Variants in TOP1MT observed in about 807,000 individuals in gnomAD.
The protein encoded by TOP1MT is DNA topoisomerase I mitochondrial, also known as DNA topoisomerase I, mitochondrial.
In TOP1MT, 80 loss-of-function variants were observed where a neutral mutation model predicts 73.9. That is an observed-to-expected ratio of 1.08 (90% CI 0.90 to 1.30). The LOEUF is 1.30. Ranked by LOEUF, TOP1MT falls within the 50% of genes most tolerant of loss-of-function variation. The probability of loss-of-function intolerance (pLI) is 0.00; values close to 1 mark genes in which losing one functional copy is unlikely to be tolerated. For missense variants in TOP1MT, 815 were observed against 808.0 expected, an observed-to-expected ratio of 1.01 and a Z score of -0.10; for synonymous variants, 338 against 326.4, an observed-to-expected ratio of 1.04 and a Z score of -0.38.
intron 3 of TOP1MT, among the ~76,000 whole-genome samples, chr8:143,327,970 G>A (rs910895632): frequency 6.6e-6 from 1 of 152,154 alleles, no homozygotes; most frequent in Non-Finnish European, 1.5e-5. Flanking sequence ...GAAAAACATA[G>A]GAGGAAATCT....
chr8:143,315,870 GC>G (rs2129922760), intron 11 of TOP1MT, 49 bp from the exon 12 acceptor site: 1 of 1,605,110 alleles, frequency 6.2e-7, no homozygotes, highest in East Asian at 2.2e-5. Context: ...TCCCGCACCA[GC>G]CCCTGTGCCC....
At chr8:143,325,045 C>T (rs1816667248) in intron 5 of TOP1MT, among the ~76,000 whole-genome samples, 1 of 152,220 alleles carries the variant, frequency 6.6e-6, no homozygotes, top group Non-Finnish European at 1.5e-5. Flanking sequence ...CCAATAAGTT[C>T]AAAACACCTA....
chr8:143,323,879 C>A, intron 7 of TOP1MT, 120 bp downstream of exon 7: 1 of 1,103,418 alleles, frequency 9.1e-7, no homozygotes, highest in South Asian at 1.4e-5. Context: ...ACACCCCCCC[C>A]ATCAGAATGA....
chr8:143,322,565 AGACACGC>A (rs1384164036), intron 7 of TOP1MT, among the ~76,000 whole-genome samples: 117 of 120,952 alleles, frequency 9.7e-4, no homozygotes, highest in African/African-American at 3.3e-3. Context: ...CGCCACACAC[AGACACGC>A]CACACACATG....
intron 10 of TOP1MT, among the ~76,000 whole-genome samples, 155 bp from the exon 11 acceptor site, chr8:143,316,281 C>T (rs1816160983): frequency 6.6e-6 from 1 of 152,216 alleles, no homozygotes; most frequent in Non-Finnish European, 1.5e-5. Context: ...GTCAGTGACC[C>T]TCCAAGGTGG....
intron 3 of TOP1MT, among the ~76,000 whole-genome samples, chr8:143,328,978 G>A (rs538830488): frequency 5.7e-4 from 87 of 152,292 alleles, no homozygotes; most frequent in African/African-American, 2.0e-3. Flanking sequence ...TCTTCCTGGG[G>A]GCTGGGAAAT....
In TOP1MT at chr8:143,326,288, C is replaced by T. The variant is rs758860548; in HGVS notation, c.417G>A (p.Thr139=). 6.8e-6 allele frequency: 11 copies of T among 1,613,982 alleles called. No individual in the cohort carries two copies. Among genetic ancestry groups the T allele is most frequent in the South Asian group, 4.4e-5 (4 of 91,084 alleles). ...VIKSLDKCDF[T]EIHRYFVDKA... ...TGTCCACAAAGTATCTGTGGATCTC[C>T]GTGAAGTCACACTTGTCCAGGCTCT... Residue 139 remains threonine (T), a synonymous_variant, in exon 4 of 14, where the codon ACG becomes ACA. Transcript: ENST00000329245.
chr8:143,359,499 G>A (rs918260379), upstream of TOP1MT: 13 of 912,776 alleles, frequency 1.4e-5, no homozygotes, highest in African/African-American at 1.6e-4. Flanking sequence ...CAGGTGCAGG[G>A]CCCAAGCAGA....
upstream of TOP1MT, among the ~76,000 whole-genome samples, chr8:143,358,877 C>A (rs144646250): frequency 2.6e-5 from 4 of 152,328 alleles, no homozygotes; most frequent in East Asian, 7.7e-4. Context: ...TATTCCTGAC[C>A]CCATTACTAC....
upstream of TOP1MT, among the ~76,000 whole-genome samples, chr8:143,357,140 A>T (rs1817423861): frequency 6.7e-6 from 1 of 148,900 alleles, no homozygotes; most frequent in South Asian, 2.1e-4. Flanking sequence ...AGTGGCTTAC[A>T]CTTGTAATCC....
intron 2 of TOP1MT, among the ~76,000 whole-genome samples, chr8:143,340,318 C>A (rs4874175): frequency 0.55 from 58,178 of 105,518 alleles, 18,115 homozygotes; most frequent in South Asian, 0.79. Flanking sequence ...GCATTCCCCC[C>A]CTCCCAGCAC....
At chr8:143,327,964 A>C (rs527551552) in intron 3 of TOP1MT, among the ~76,000 whole-genome samples, 1 of 152,328 alleles carries the variant, frequency 6.6e-6, no homozygotes, top group Non-Finnish European at 1.5e-5. Context: ...TTCTAGGAAA[A>C]ACATAGGAGG....
intron 7 of TOP1MT, among the ~76,000 whole-genome samples, chr8:143,322,098 CGCACGCCACACAT>C (rs1405283449): frequency 8.9e-6 from 1 of 111,814 alleles, no homozygotes; most frequent in African/African-American, 3.6e-5. Context: ...ATGCCAAACA[CGCACGCCACACAT>C]GCACGCCACA....
upstream of TOP1MT, among the ~76,000 whole-genome samples, chr8:143,336,961 A>T (rs1022664820): frequency 1.3e-5 from 2 of 152,266 alleles, no homozygotes; most frequent in Non-Finnish European, 2.9e-5. Flanking sequence ...AAATGAAATT[A>T]AGAAAATAAT....
upstream of TOP1MT, among the ~76,000 whole-genome samples, chr8:143,339,456 G>T (rs1402269902): frequency 6.6e-6 from 1 of 152,118 alleles, no homozygotes; most frequent in African/African-American, 2.4e-5. Context: ...TAACCTTTTT[G>T]TACCTCAGTT....
In TOP1MT at chr8:143,321,382, G is replaced by A; in HGVS notation, c.965C>T (p.Ala322Val). 6.3e-7 allele frequency: 1 copy of A among 1,581,600 alleles called. No homozygotes were observed. The highest frequency in any genetic ancestry group is 1.1e-5 in the South Asian group (1 of 88,638). The change falls in exon 8 of 14, where the codon GCA (alanine) becomes GTA (valine). Residue 322 changes from alanine (A) to valine (V), a missense_variant. Physicochemically the swap from Ala to Val is moderately conservative, Grantham distance 64. Transcript: ENST00000329245. ...AVALYFIDKL[A>V]LRAGNEKEDG... ...CTCCTTCTCATTTCCTGCTCTCAGTGCCAGCTAGTTGGTGGGGAATGGTCA... is the reference window on the plus strand; with the variant it reads ...CTCCTTCTCATTTCCTGCTCTCAGTACCAGCTAGTTGGTGGGGAATGGTCA...
At chr8:143,339,807 A>C (rs1244641258), upstream of TOP1MT, among the ~76,000 whole-genome samples, 24 of 133,252 alleles carry the variant, frequency 1.8e-4, no homozygotes, top group African/African-American at 4.1e-4. Flanking sequence ...ACAGCATTCC[A>C]CCCCTGCCAG....
At chr8:143,353,514 T>G (rs1817354593) in intron 1 of TOP1MT, among the ~76,000 whole-genome samples, 1 of 152,042 alleles carries the variant, frequency 6.6e-6, no homozygotes, top group African/African-American at 2.4e-5. Flanking sequence ...TTGGTATCAC[T>G]AATCACTAGG....
chr8:143,329,568 A>C, intron 2 of TOP1MT, 97 bp from the exon 3 acceptor site: 1 of 1,436,076 alleles, frequency 7.0e-7, no homozygotes. Context: ...TTTCGTGCGT[A>C]CTATGCCAAG....
Sources: gnomAD v4.1 joint callset for allele counts (sites outside exome capture counted in the v4.1 genomes callset) on GRCh38, gnomAD v4.1.1 for gene constraint, MANE v1.5 for transcripts, NCBI Gene and HGNC (gene_info 2026-07-23, HGNC 2026-07-21) for gene names.